Variants in TENM1 observed in about 807,000 individuals in gnomAD.
The protein encoded by TENM1 is teneurin transmembrane protein 1.
TENM1 carries 35 observed loss-of-function variants against 174.8 expected under a neutral mutation model. The observed-to-expected ratio is 0.20, with a 90% CI of 0.15 to 0.27. TENM1 has a LOEUF of 0.27. Among genes scored for constraint, TENM1 ranks in the 10% least tolerant of loss-of-function variants. TENM1 has a pLI of 1.00. For missense variants in TENM1, 1,633 were observed against 2,130.1 expected, an observed-to-expected ratio of 0.77 and a Z score of 4.59; for synonymous variants, 781 against 798.7, an observed-to-expected ratio of 0.98 and a Z score of 0.37.
chrX:125,103,303 G>T, the TENM1 span, among the ~76,000 whole-genome samples: 1 of 110,775 alleles, frequency 9.0e-6, no homozygotes, highest in Non-Finnish European at 1.9e-5. Context: ...AAATTAATTT[G>T]TCTTCAATAT....
chrX:124,848,384 A>T (rs1349320930), intron 3 of TENM1, among the ~76,000 whole-genome samples: 1 of 110,829 alleles, frequency 9.0e-6, no homozygotes, highest in African/African-American at 3.3e-5. Flanking sequence ...AACGACCTCT[A>T]TTGCACCTCC....
chrX:124,554,115 C>A (rs1163187979), intron 14 of TENM1, among the ~76,000 whole-genome samples: 1 of 110,812 alleles, frequency 9.0e-6, no homozygotes, highest in South Asian at 3.9e-4. Flanking sequence ...TCCTCCCCCC[C>A]AAAAAATGAA....
rs535761936 is a variant in TENM1, at chrX:124,822,866, C to T, written c.535+71430G>A. On this transcript the variant is annotated intron_variant, in intron 3 of 31. Coordinates refer to ENST00000422452, the Ensembl canonical transcript of TENM1. ...CAGAAAAGAATCTAGGACCCAGAAT[C>T]GGTAACAGGTTGAATGCAAAAAACT... Among the ~76,000 whole-genome samples the T allele has an allele frequency of 8.9e-5, 10 of 112,007 alleles. No individual in the cohort carries two copies. The South Asian group carries it at 3.3e-3, about 38-fold the overall frequency.
In TENM1 at chrX:124,420,304, A is replaced by G; in HGVS notation, c.4982+7T>C. 8.4e-7 allele frequency: 1 copy of G among 1,190,779 alleles called. No homozygotes were observed. Among genetic ancestry groups the G allele is most frequent in the Non-Finnish European group, 1.1e-6 (1 of 883,732 alleles). Reference sequence around the variant, plus strand: ...AACAAAGCCCATGTCAAGAATTAGAAACTTACTCATAAACGGTTGTCCATC... The same window carrying G: ...AACAAAGCCCATGTCAAGAATTAGAGACTTACTCATAAACGGTTGTCCATC... On this transcript the variant is annotated splice_region_variant and intron_variant, in intron 25 of 31. Coordinates refer to ENST00000422452, the Ensembl canonical transcript of TENM1.
At chrX:124,391,659 T>C (rs1200493222) in intron 28 of TENM1, among the ~76,000 whole-genome samples, 1 of 111,837 alleles carries the variant, frequency 8.9e-6, no homozygotes, top group Admixed American at 9.5e-5. Flanking sequence ...TTAGAATTGC[T>C]TATCCTCTGG....
the TENM1 span, among the ~76,000 whole-genome samples, chrX:125,195,832 C>T: frequency 9.1e-6 from 1 of 110,096 alleles, no homozygotes; most frequent in Non-Finnish European, 1.9e-5. Context: ...TTATCTGGAA[C>T]ATATATAAAG....
At chrX:124,864,789 G>C (rs1454083821) in intron 3 of TENM1, among the ~76,000 whole-genome samples, 1 of 110,010 alleles carries the variant, frequency 9.1e-6, no homozygotes, top group African/African-American at 3.3e-5. Context: ...TTAAATCAAA[G>C]AAGACTATTT....
chrX:124,752,344 T>C (rs1478441079), intron 3 of TENM1, among the ~76,000 whole-genome samples: 2 of 111,890 alleles, frequency 1.8e-5, no homozygotes, highest in Non-Finnish European at 1.9e-5. Flanking sequence ...GGGCTGTTTG[T>C]TTTTTTCTTG....
chrX:124,721,346 A>AT (rs2053304555), intron 4 of TENM1, among the ~76,000 whole-genome samples: 1 of 111,659 alleles, frequency 9.0e-6, no homozygotes, highest in South Asian at 3.8e-4. Context: ...GTACTATAAG[A>AT]TTTTCAATTA....
At chrX:124,470,722 T>TA (rs1303417356) in intron 22 of TENM1, among the ~76,000 whole-genome samples, 1 of 110,754 alleles carries the variant, frequency 9.0e-6, no homozygotes, top group Non-Finnish European at 1.9e-5. Context: ...TTCCTTGACT[T>TA]ACGGTATTGC....
At chrX:124,782,310 T>C (rs1013466321) in intron 3 of TENM1, among the ~76,000 whole-genome samples, 1 of 111,598 alleles carries the variant, frequency 9.0e-6, no homozygotes, top group African/African-American at 3.3e-5. Context: ...GCTATTTCTC[T>C]GGGCAAGATC....
intron 3 of TENM1, among the ~76,000 whole-genome samples, chrX:124,829,133 T>C (rs1603234084): frequency 8.9e-6 from 1 of 112,114 alleles, no homozygotes; most frequent in African/African-American, 3.2e-5. Context: ...CCTGCCATCC[T>C]GGGCTAACAG....
At position 124,681,586 on chromosome X, in the gene TENM1, G is replaced by A. The variant is rs771718024; in HGVS notation, c.1016-9751C>T. ...TTGCAAAAAGAACTGGCCCTGTTGG[G>A]GATTTCACTCTGTGTAAAGGGAGGC... On this transcript the variant is annotated intron_variant, in intron 5 of 31. Transcript: ENST00000422452. 1.6e-4 allele frequency among the ~76,000 whole-genome samples: 18 copies of A among 111,391 alleles called. 1 individual carries two copies. Among genetic ancestry groups the A allele is most frequent in the Middle Eastern group, 9.3e-3 (2 of 216 alleles).
intron 3 of TENM1, among the ~76,000 whole-genome samples, chrX:124,816,986 C>A (rs2055910897): frequency 9.1e-6 from 1 of 109,920 alleles, no homozygotes; most frequent in African/African-American, 3.3e-5. Flanking sequence ...TTTGCTGCAC[C>A]CATCAACCTG....
intron 3 of TENM1, among the ~76,000 whole-genome samples, chrX:124,786,236 G>A (rs984859901): frequency 2.7e-5 from 3 of 110,875 alleles, no homozygotes; most frequent in Non-Finnish European, 3.8e-5. Context: ...AGGAAGACAC[G>A]AATAAATAGG....
the TENM1 span, among the ~76,000 whole-genome samples, chrX:125,101,061 G>A: frequency 0.26 from 28,967 of 110,192 alleles, 3,145 homozygotes; most frequent in African/African-American, 0.4. Context: ...TCCAGGTAAT[G>A]GTACCTAATT....
intron 18 of TENM1, among the ~76,000 whole-genome samples, chrX:124,513,409 G>C (rs921880339): frequency 6.3e-5 from 7 of 111,719 alleles, no homozygotes; most frequent in Non-Finnish European, 9.4e-5. Context: ...GATAGACCAG[G>C]ATAATCTCCA....
At chrX:125,126,728 G>A in the TENM1 span, among the ~76,000 whole-genome samples, 1 of 111,128 alleles carries the variant, frequency 9.0e-6, no homozygotes, top group Non-Finnish European at 1.9e-5. Flanking sequence ...TGCAGCCAAT[G>A]AAAACTTGTA....
At chrX:124,769,063 T>C (rs982911348) in intron 3 of TENM1, among the ~76,000 whole-genome samples, 4 of 112,263 alleles carry the variant, frequency 3.6e-5, no homozygotes, top group African/African-American at 1.3e-4. Context: ...ATAACATTTT[T>C]AGAAAATAGA....
Sources: allele counts gnomAD v4.1 joint callset (sites outside exome capture counted in the v4.1 genomes callset), GRCh38; gene constraint gnomAD v4.1.1; transcripts MANE v1.5; gene names NCBI Gene and HGNC (gene_info 2026-07-23, HGNC 2026-07-21).